The following FRAS1 variants were observed in gnomAD, a reference collection of about 807,000 sequenced individuals.
FRAS1 encodes Fraser extracellular matrix complex subunit 1.
A neutral mutation model predicts 435.2 loss-of-function variants in FRAS1; 290 were observed. The ratio of observed to expected loss-of-function variants is 0.67; its 90% confidence interval spans 0.61 to 0.73. FRAS1 has a LOEUF of 0.73. Ranked by LOEUF, FRAS1 falls within the 30% of genes least tolerant of loss-of-function variation. The pLI, the probability that FRAS1 is intolerant of heterozygous loss-of-function variation, is 0.00. For missense variants in FRAS1, 4,860 were observed against 5,001.5 expected (o/e 0.97, Z 0.85); for synonymous variants, 1,800 against 1,851.0 (o/e 0.97, Z 0.71).
chr4:78,385,929 G>A (rs533319405), intron 28 of FRAS1, among the ~76,000 whole-genome samples: 87 of 150,822 alleles, frequency 5.8e-4, no homozygotes, highest in Non-Finnish European at 1.2e-3. Context: ...TGTAAATTTA[G>A]GACAGAGGGC....
At chr4:78,420,879 C>CATAT (rs72430754) in intron 33 of FRAS1, among the ~76,000 whole-genome samples, 3,938 of 93,316 alleles carry the variant, frequency 0.042, 87 homozygotes, top group East Asian at 0.06. Context: ...ACTAATAGGA[C>CATAT]ATATATATAT....
intron 2 of FRAS1, among the ~76,000 whole-genome samples, chr4:78,225,766 A>G (rs1034391355): frequency 6.6e-6 from 1 of 152,214 alleles, no homozygotes; most frequent in African/African-American, 2.4e-5. Flanking sequence ...ATATAAATAC[A>G]CATATTGGGA....
chr4:78,430,407 G>A lies in FRAS1; in HGVS notation c.4959G>A (p.Pro1653=), dbSNP rs372154997. The A allele has an allele frequency of 3.7e-4, 596 of 1,612,932 alleles. 3 individuals are homozygous for A. The African/African-American group carries it at 4.5e-3, about 12-fold the overall frequency. ...AGCATACAGCTGAGTTCCGAAGGCCGATGGCCACAGGTAGCTACACACCTA... is the reference window on the plus strand; with the variant it reads ...AGCATACAGCTGAGTTCCGAAGGCCAATGGCCACAGGTAGCTACACACCTA... The part of the protein sequence containing the change: ...LLKHTAEFRR[P]MATGDTFTYE... The change falls in exon 37 of 74, where the codon CCG becomes CCA. Residue 1653 remains proline (P), a synonymous_variant. Transcript: ENST00000512123.
intron 2 of FRAS1, among the ~76,000 whole-genome samples, chr4:78,077,586 C>A (rs188129343): frequency 6.6e-6 from 1 of 151,652 alleles, no homozygotes; most frequent in Admixed American, 6.6e-5. Flanking sequence ...ATCATCCACC[C>A]GCCTCCTATC....
intron 4 of FRAS1, among the ~76,000 whole-genome samples, chr4:78,249,377 C>T (rs1346205142): frequency 1.7e-5 from 2 of 115,098 alleles, no homozygotes; most frequent in Non-Finnish European, 3.3e-5. Flanking sequence ...CTCCCAGTTG[C>T]AGTGGTATGA....
intron 2 of FRAS1, among the ~76,000 whole-genome samples, chr4:78,093,388 T>C (rs897028754): frequency 6.6e-6 from 1 of 152,212 alleles, no homozygotes; most frequent in African/African-American, 2.4e-5. Flanking sequence ...AGTGAATCTC[T>C]ATTTTTACAG....
intron 2 of FRAS1, among the ~76,000 whole-genome samples, chr4:78,158,524 G>T (rs1471553334): frequency 6.6e-6 from 1 of 151,928 alleles, no homozygotes; most frequent in Non-Finnish European, 1.5e-5. Context: ...GTCATAAAAA[G>T]AATAAAGTAC....
At chr4:78,395,815 T>C (rs1732634818) in intron 29 of FRAS1, among the ~76,000 whole-genome samples, 1 of 152,114 alleles carries the variant, frequency 6.6e-6, no homozygotes, top group South Asian at 2.1e-4. Flanking sequence ...ATTCAGCCAC[T>C]CTGTGTTTTT....
chr4:78,284,261 GGAGGC>G, intron 12 of FRAS1, 139 bp from the exon 13 acceptor site: 1 of 166,398 alleles, frequency 6.0e-6, no homozygotes, highest in Non-Finnish European at 1.2e-5. Flanking sequence ...TTGCTATTTA[GGAGGC>G]TTTTTCCTAA....
At chr4:78,064,865 G>A (rs2109847086) in intron 1 of FRAS1, among the ~76,000 whole-genome samples, 1 of 151,776 alleles carries the variant, frequency 6.6e-6, no homozygotes, top group Admixed American at 6.6e-5. Context: ...ACTGTGTGGA[G>A]CATTGTTAAG....
At chr4:78,180,780 T>A in intron 2 of FRAS1, 1 of 1,010,810 alleles carries the variant, frequency 9.9e-7, no homozygotes, top group Non-Finnish European at 1.5e-6. Context: ...TTTTTTTTTT[T>A]AATTTGTCAT....
intron 29 of FRAS1, among the ~76,000 whole-genome samples, chr4:78,389,560 CTCATCCTAATTATCACTCTTGCGA>C (rs1466702479): frequency 6.6e-6 from 1 of 152,228 alleles, no homozygotes; most frequent in Non-Finnish European, 1.5e-5. Flanking sequence ...CACCTTGCAA[CTCATCCTAATTATCACTCTTGCGA>C]TGGCCCTGGG....
intron 2 of FRAS1, among the ~76,000 whole-genome samples, chr4:78,119,872 G>A (rs184481110): frequency 5.9e-5 from 9 of 152,286 alleles, no homozygotes; most frequent in Admixed American, 5.2e-4. Flanking sequence ...AAAACCTCTT[G>A]ACTCACAGCT....
At chr4:78,255,113 C>A in intron 5 of FRAS1, 129 bp from the exon 6 acceptor site, 1 of 852,582 alleles carries the variant, frequency 1.2e-6, no homozygotes, top group Non-Finnish European at 1.9e-6. Context: ...GAGCATTGAA[C>A]ACCAAATGCA....
In FRAS1 at chr4:78,372,857, GAGTA is replaced by G. The variant is rs1421352550; in HGVS notation, c.3010+3_3010+6del. The G allele has an allele frequency of 6.2e-7, 1 of 1,612,240 alleles. No individual in the cohort carries two copies. Among genetic ancestry groups the G allele is most frequent in the Non-Finnish European group, 8.5e-7 (1 of 1,179,572 alleles). On this transcript the variant is annotated splice_donor_variant and splice_donor_region_variant and coding_sequence_variant and intron_variant, in exon 24 of 74. Transcript: ENST00000512123. LOFTEE classifies it high-confidence loss of function. ...TTTACCAGGACTCGGGCCTCTGCAA[GAGTA>G]AGTGTGTAGAGGCCCTGCTCTGTGC...
chr4:78,534,822 A>G (rs942379612), intron 71 of FRAS1, among the ~76,000 whole-genome samples: 10 of 152,228 alleles, frequency 6.6e-5, no homozygotes, highest in East Asian at 3.8e-4. Context: ...ACTTGGCACT[A>G]TAATGATTGG....
intron 2 of FRAS1, among the ~76,000 whole-genome samples, chr4:78,232,908 A>G (rs1264882708): frequency 1.3e-5 from 2 of 152,234 alleles, no homozygotes; most frequent in African/African-American, 4.8e-5. Flanking sequence ...GTCTGCTGGG[A>G]AGACAGATAG....
intron 2 of FRAS1, among the ~76,000 whole-genome samples, chr4:78,161,383 C>T (rs1166659799): frequency 6.6e-6 from 1 of 152,050 alleles, no homozygotes; most frequent in East Asian, 1.9e-4. Flanking sequence ...TACTCTGTCA[C>T]ATGCAAGCTG....
chr4:78,484,067 C>T (rs1444358354), intron 58 of FRAS1, among the ~76,000 whole-genome samples: 2 of 151,960 alleles, frequency 1.3e-5, no homozygotes, highest in African/African-American at 4.8e-5. Context: ...TCCTTAGTCA[C>T]CAGCCCTGAA....
Sources: gnomAD v4.1 joint callset for allele counts (sites outside exome capture counted in the v4.1 genomes callset) on GRCh38, gnomAD v4.1.1 for gene constraint, MANE v1.5 for transcripts, NCBI Gene and HGNC (gene_info 2026-07-23, HGNC 2026-07-21) for gene names.